The following FANCM variants were observed in gnomAD, a reference collection of about 807,000 sequenced individuals.
FANCM encodes the protein Fanconi anemia group M protein.
A neutral mutation model predicts 199.5 loss-of-function variants in FANCM; 140 were observed. That is an observed-to-expected ratio of 0.70 (90% confidence interval 0.61 to 0.81). The LOEUF is 0.81. FANCM is among the 30% of genes least tolerant of loss of function. The pLI is 0.00. For missense variants in FANCM, 2,410 were observed against 2,421.4 expected (o/e 1.00, Z 0.10); for synonymous variants, 840 against 836.8 (o/e 1.00, Z -0.07).
intron 6 of FANCM, among the ~76,000 whole-genome samples, chr14:45,154,358 G>C (rs1022389198): frequency 6.7e-6 from 1 of 149,604 alleles, no homozygotes; most frequent in African/African-American, 2.5e-5. Flanking sequence ...TCAAGATCAT[G>C]CTGCTGCACT....
intron 9 of FANCM, among the ~76,000 whole-genome samples, chr14:45,162,405 C>T (rs909485461): frequency 5.9e-5 from 9 of 152,120 alleles, no homozygotes; most frequent in Non-Finnish European, 1.3e-4. Flanking sequence ...TTATTTCCCC[C>T]ACTACATGAC....
chr14:45,153,639 TTTAC>T (rs1244796149), intron 5 of FANCM, among the ~76,000 whole-genome samples: 3 of 152,028 alleles, frequency 2.0e-5, no homozygotes, highest in South Asian at 2.1e-4. Flanking sequence ...TTTTTTTTCC[TTTAC>T]TTATTATTTT....
chr14:45,174,397 A>C (rs1162559941), intron 13 of FANCM, among the ~76,000 whole-genome samples: 4 of 151,984 alleles, frequency 2.6e-5, no homozygotes, highest in Non-Finnish European at 2.9e-5. Context: ...AAAAAAAAAA[A>C]AACAAAAAAA....
chr14:45,182,924 T>C (rs1437889761), intron 16 of FANCM, among the ~76,000 whole-genome samples: 1 of 152,130 alleles, frequency 6.6e-6, no homozygotes, highest in Non-Finnish European at 1.5e-5. Context: ...ATGTTGAATA[T>C]CTCATGTAAT....
intron 18 of FANCM, among the ~76,000 whole-genome samples, chr14:45,185,595 A>T (rs1889351062): frequency 6.6e-6 from 1 of 152,128 alleles, no homozygotes; most frequent in Non-Finnish European, 1.5e-5. Context: ...CTTCAGATTG[A>T]CCTGGGTTGC....
chr14:45,137,329 G>T (rs1885593901), intron 2 of FANCM, 88 bp downstream of exon 2: 4 of 1,019,084 alleles, frequency 3.9e-6, no homozygotes, highest in Admixed American at 3.6e-5. Context: ...GGAAGTTATT[G>T]ACAATATTAT....
In FANCM at chr14:45,167,051, T is replaced by A; in HGVS notation, c.1890T>A (p.Pro630=). 6.2e-7 allele frequency: 1 copy of A among 1,612,580 alleles called. No individual in the cohort carries two copies. The highest frequency in any genetic ancestry group is 8.5e-7 in the Non-Finnish European group (1 of 1,178,560). The change falls in exon 11 of 23, where the codon CCT becomes CCA. Residue 630 remains proline, a synonymous_variant. Transcript: ENST00000267430. ...ACCAAAGAAGTCCACGAATGGTTCC[T>A]GATGGAATCAACCCAAAATTACACA... The part of the protein sequence containing the change: ...HFYQRSPRMV[P]DGINPKLHKM...
intron 16 of FANCM, among the ~76,000 whole-genome samples, chr14:45,181,941 T>C (rs201081088): frequency 1.4e-4 from 21 of 152,208 alleles, no homozygotes; most frequent in East Asian, 7.7e-4. Flanking sequence ...TTAAAAACCA[T>C]CCTATTTTTG....
At chr14:45,196,025 T>C (rs966439964) in intron 20 of FANCM, 147 bp from the exon 21 acceptor site, 4 of 806,326 alleles carry the variant, frequency 5.0e-6, no homozygotes, top group East Asian at 2.5e-5. Context: ...TAGTGACTTA[T>C]GTGTTCCTTC....
intron 8 of FANCM, among the ~76,000 whole-genome samples, chr14:45,158,733 A>G (rs1241932988): frequency 6.6e-6 from 1 of 152,194 alleles, no homozygotes. Context: ...TTTGTTTAGG[A>G]TTTTATTTTA....
In FANCM at chr14:45,185,243, T is replaced by C. The variant is rs372272824; in HGVS notation, c.4542T>C (p.Asp1514=). 10 of 1,604,894 alleles carry C rather than the reference T, an allele frequency of 6.2e-6. No homozygotes were observed. The highest frequency in any genetic ancestry group is 1.3e-5 in the African/African-American group (1 of 74,620). The change falls in exon 18 of 23, where the codon GAT becomes GAC. Residue 1514 remains aspartate (D), a synonymous_variant. Transcript: ENST00000267430. ...LKHVARKFLD[D]EAELSEEDAE... is the part of the protein sequence containing the mutation. ...ATGTAGCTAGGAAGTTTTTAGATGA[T>C]GAAGCAGAACTTTCTGAAGAAGATG...
chr14:45,148,995 G>T lies in FANCM; in HGVS notation c.918G>T (p.Gln306His). 1 of 1,610,936 alleles carries T rather than the reference G, an allele frequency of 6.2e-7. No individual in the cohort carries two copies. Among genetic ancestry groups the T allele is most frequent in the African/African-American group, 1.3e-5 (1 of 74,864 alleles). ...CAGCCATCCAAAAGACCTATATCCA[G>T]GTAAACCATTTTTATGACATTTAGG... ...ELAAIQKTYI[Q>H]ILESFARSLI... The change falls in exon 4 of 23, where the codon CAG (glutamine) becomes CAT (histidine). Residue 306 changes from glutamine to histidine, a missense_variant and splice_region_variant. Transcript: ENST00000267430.
Position 45,189,166 on chromosome 14 carries a change from A to C in FANCM, c.5144A>C (p.Gln1715Pro), listed in dbSNP as rs1390595974. ...LNSVPSGSSAQSKVRSTPRVN... is the reference protein window; with the variant it reads ...LNSVPSGSSAPSKVRSTPRVN... ...TCAGTGCCTTCTGGATCTTCTGCGC[A>C]GTCCAAGGTGCGTTCTACTCCAAGA... Residue 1715 changes from glutamine to proline, a missense_variant, in exon 20 of 23, where the codon CAG becomes CCG. Physicochemically the swap from Gln to Pro is moderately conservative, Grantham distance 76. Transcript: ENST00000267430. 5 of 1,614,052 alleles carry C rather than the reference A, an allele frequency of 3.1e-6. No individual in the cohort carries two copies. The highest frequency in any genetic ancestry group is 4.2e-6 in the Non-Finnish European group (5 of 1,180,022).
intron 7 of FANCM, 118 bp downstream of exon 7, chr14:45,154,940 C>T: frequency 1.4e-6 from 1 of 709,624 alleles, no homozygotes; most frequent in South Asian, 1.9e-5. Flanking sequence ...AGCAACAGAT[C>T]TGTTAAATGT....
chr14:45,175,612 A>C lies in FANCM; in HGVS notation c.2858A>C (p.Lys953Thr). 1 of 1,613,502 alleles carries C rather than the reference A, an allele frequency of 6.2e-7. No individual in the cohort carries two copies. The highest frequency in any genetic ancestry group is 8.5e-7 in the Non-Finnish European group (1 of 1,179,682). The change falls in exon 14 of 23, where the codon AAA (lysine) becomes ACA (threonine). Residue 953 changes from lysine to threonine, a missense_variant. Physicochemically the swap from Lys to Thr is moderately conservative, Grantham distance 78 (BLOSUM62 -1). Transcript: ENST00000267430. ...GGTTATAACAGTTTCAATGATGAAA[A>C]ATCTGTTTCATCTAACTTATTTCTT... The part of the protein sequence containing the change: ...DSGYNSFNDE[K>T]SVSSNLFLPF...
chr14:45,164,847 T>C (rs1240856189), intron 10 of FANCM, among the ~76,000 whole-genome samples: 1 of 152,246 alleles, frequency 6.6e-6, no homozygotes, highest in Non-Finnish European at 1.5e-5. Flanking sequence ...TGTTTTACTA[T>C]TTTCCTGTGC....
Position 45,198,656 on chromosome 14 carries a change from G to T in FANCM, c.5729G>T (p.Arg1910Met), listed in dbSNP as rs1193767487. 6.2e-7 allele frequency: 1 copy of T among 1,610,500 alleles called. No homozygotes were observed. The highest frequency in any genetic ancestry group is 8.5e-7 in the Non-Finnish European group (1 of 1,177,422). Reference sequence around the variant, plus strand: ...TATGAATATTTAGGAGACACATCAAGGATGTTTAGGAGAACAAAGAGCTAT... The same window carrying T: ...TATGAATATTTAGGAGACACATCAATGATGTTTAGGAGAACAAAGAGCTAT... ...KDREKTGDTS[R>M]MFRRTKSYDS... is the part of the protein sequence containing the mutation. Residue 1910 changes from arginine to methionine, a missense_variant, in exon 22 of 23, where the codon AGG (arginine) becomes ATG (methionine). Coordinates refer to ENST00000267430, the MANE Select transcript of FANCM (RefSeq NM_020937.4).
At chr14:45,166,917 A>G (rs1323015418) in intron 10 of FANCM, 33 bp from the exon 11 acceptor site, 3 of 1,153,442 alleles carry the variant, frequency 2.6e-6, no homozygotes, top group Non-Finnish European at 3.9e-6. Flanking sequence ...TATAAAAGTA[A>G]TATAATCTGA....
At chr14:45,166,323 G>A (rs1887972572) in intron 10 of FANCM, among the ~76,000 whole-genome samples, 1 of 151,622 alleles carries the variant, frequency 6.6e-6, no homozygotes, top group African/African-American at 2.4e-5. Flanking sequence ...ATTTTCAGTA[G>A]AGACGAGGGT....
Sources: gnomAD v4.1 joint callset for allele counts (sites outside exome capture counted in the v4.1 genomes callset) on GRCh38, gnomAD v4.1.1 for gene constraint, MANE v1.5 for transcripts, NCBI Gene and HGNC (gene_info 2026-07-23, HGNC 2026-07-21) for gene names.